Variants in PIWIL3 observed in about 807,000 individuals in gnomAD.
PIWIL3 encodes the protein piwi-like protein 3.
PIWIL3 carries 101 observed loss-of-function variants against 109.7 expected under a neutral mutation model. That is an observed-to-expected ratio of 0.92 (90% CI 0.78 to 1.09). The LOEUF (loss-of-function observed/expected upper bound fraction) is 1.09. PIWIL3 is among the 50% of genes least tolerant of loss of function. The pLI, the probability that PIWIL3 is intolerant of heterozygous loss-of-function variation, is 0.00. For missense variants in PIWIL3, 1,031 were observed against 1,072.6 expected (o/e 0.96, Z 0.54); for synonymous variants, 373 against 376.4 (o/e 0.99, Z 0.10).
chr22:24,740,720 AAAC>A (rs1923957046), intron 12 of PIWIL3, among the ~76,000 whole-genome samples: 1 of 152,098 alleles, frequency 6.6e-6, no homozygotes, highest in Admixed American at 6.5e-5. Flanking sequence ...AACCAGGAAG[AAAC>A]AAACTCTGAA....
At chr22:24,721,023 T>C (rs1241115626) in intron 19 of PIWIL3, among the ~76,000 whole-genome samples, 2 of 152,210 alleles carry the variant, frequency 1.3e-5, no homozygotes, top group Non-Finnish European at 2.9e-5. Flanking sequence ...CTGATCAGCA[T>C]TGCTTCTTGC....
rs748697671 is a variant in PIWIL3, at chr22:24,719,735, A to G, written c.2505+13T>C. ...TAAAAAATCTGAAGAAAAAAGTAAC[A>G]AAAAGTACTTACTGGCAAATTATAA... On this transcript the variant is annotated intron_variant, in intron 20 of 20. Coordinates refer to ENST00000616349, the MANE Select transcript of PIWIL3 (RefSeq NM_001255975.1). 20 of 1,606,110 alleles carry G rather than the reference A, an allele frequency of 1.2e-5. No homozygotes were observed. Among genetic ancestry groups the G allele is most frequent in the Middle Eastern group, 3.3e-4 (2 of 6,068 alleles).
At chr22:24,771,653 T>G (rs964070523) in intron 1 of PIWIL3, among the ~76,000 whole-genome samples, 1 of 152,110 alleles carries the variant, frequency 6.6e-6, no homozygotes, top group African/African-American at 2.4e-5. Flanking sequence ...TAACCAACAT[T>G]TCAAAAGTTG....
rs765676930 is a variant in PIWIL3 at position 24,724,977 on chromosome 22, C to T, written c.2141G>A (p.Arg714Gln). 8.1e-6 allele frequency: 13 copies of T among 1,614,158 alleles called. No homozygotes were observed. Among genetic ancestry groups the T allele is most frequent in the Admixed American group, 5.0e-5 (3 of 60,022 alleles). Residue 714 changes from arginine to glutamine, a missense_variant, in exon 18 of 21, where the codon CGG becomes CAG. Transcript: ENST00000616349. ...SSMPHSVIVY[R>Q]DGVGDGQLQA... ...AAGCTGACCATCTCCCACTCCATCC[C>T]GATACACAATAACAGAATGTGGCAT...
In PIWIL3 at chr22:24,723,095, C is replaced by T. The variant is rs147471660; in HGVS notation, c.2357+35G>A. 1,816 of 1,597,494 alleles carry T rather than the reference C, an allele frequency of 1.1e-3. 14 individuals are homozygous for T. In the African/African-American group the frequency reaches 0.018, roughly 16 times the overall value. On this transcript the variant is annotated intron_variant, in intron 19 of 20. Coordinates refer to ENST00000616349, the MANE Select transcript of PIWIL3 (RefSeq NM_001255975.1). Reference sequence around the variant, plus strand: ...CTGAACTGAAGGAAATTGAGAAAATCATAGAACCATGTGCAAAAAATACAG... The same window carrying T: ...CTGAACTGAAGGAAATTGAGAAAATTATAGAACCATGTGCAAAAAATACAG...
intron 3 of PIWIL3, 148 bp from the exon 4 acceptor site, chr22:24,758,187 C>T (rs1008420509): frequency 2.0e-5 from 20 of 990,158 alleles, no homozygotes; most frequent in East Asian, 2.6e-5. Flanking sequence ...GCCGCAAAAG[C>T]GTAACCTTAC....
Position 24,759,923 on chromosome 22 carries a change from G to T in PIWIL3, c.169C>A (p.Pro57Thr), listed in dbSNP as rs758011874. ...CCTCTTGCTGCTCTTGGCTGCAGAG[G>T]TCTAACCACTGGGACTTCCTCCTGC... Reference protein sequence around the residue: ...PLQEEVPVVRPLQPRAARGGA... With the variant: ...PLQEEVPVVRTLQPRAARGGA... The change falls in exon 3 of 21, where the codon CCT becomes ACT. Residue 57 changes from proline (P) to threonine (T), a missense_variant. Transcript: ENST00000616349. 1.9e-6 allele frequency: 3 copies of T among 1,614,134 alleles called. No homozygotes were observed. Among genetic ancestry groups the T allele is most frequent in the Non-Finnish European group, 1.7e-6 (2 of 1,180,040 alleles).
At chr22:24,773,642 A>C (rs186961458) in intron 1 of PIWIL3, among the ~76,000 whole-genome samples, 1 of 152,146 alleles carries the variant, frequency 6.6e-6, no homozygotes, top group Admixed American at 6.5e-5. Flanking sequence ...ATACATATGT[A>C]TCTAAAATAT....
chr22:24,728,261 T>G lies in PIWIL3; in HGVS notation c.1821A>C (p.Lys607Asn). 6.2e-7 allele frequency: 1 copy of G among 1,614,184 alleles called. No homozygotes were observed. The highest frequency in any genetic ancestry group is 1.1e-5 in the South Asian group (1 of 91,086). ...SQCVVKKTLE[K>N]VQARTIVTKI... The stretch of plus-strand genomic sequence containing the variant: ...TGGTGACGATGGTCCTTGCCTGGAC[T>G]TTTTCTAAGGTCTTTTTCACCACAC... Residue 607 changes from lysine (K) to asparagine (N), a missense_variant, in exon 15 of 21, where the codon AAA (lysine) becomes AAC (asparagine). Physicochemically the swap from Lys to Asn is moderately conservative, Grantham distance 94. Transcript: ENST00000616349.
chr22:24,753,601 C>T (rs550354050), intron 8 of PIWIL3, among the ~76,000 whole-genome samples: 4 of 152,152 alleles, frequency 2.6e-5, no homozygotes, highest in Non-Finnish European at 5.9e-5. Context: ...GGCTAAGTAA[C>T]TGGTTCTTTA....
chr22:24,730,056 A>G (rs1923246147), intron 14 of PIWIL3, among the ~76,000 whole-genome samples: 1 of 151,792 alleles, frequency 6.6e-6, no homozygotes, highest in South Asian at 2.1e-4. Flanking sequence ...AATTAGAATT[A>G]TGTGTACAGA....
chr22:24,729,800 A>G (rs1923225027), intron 14 of PIWIL3, among the ~76,000 whole-genome samples: 3 of 152,210 alleles, frequency 2.0e-5, no homozygotes, highest in Admixed American at 6.5e-5. Context: ...AGTTCAGACT[A>G]AACAGTTAAT....
intron 12 of PIWIL3, among the ~76,000 whole-genome samples, chr22:24,739,445 G>A (rs950179817): frequency 6.6e-6 from 1 of 152,056 alleles, no homozygotes; most frequent in Non-Finnish European, 1.5e-5. Flanking sequence ...CCTAATAGCA[G>A]CAAGAGAAAA....
intron 8 of PIWIL3, among the ~76,000 whole-genome samples, chr22:24,753,091 A>T (rs1924807082): frequency 6.6e-6 from 1 of 152,128 alleles, no homozygotes; most frequent in African/African-American, 2.4e-5. Flanking sequence ...CATTTTCCCC[A>T]GTTTTTCCAG....
intron 16 of PIWIL3, among the ~76,000 whole-genome samples, chr22:24,726,476 G>A (rs1923003894): frequency 1.3e-5 from 2 of 152,010 alleles, no homozygotes; most frequent in African/African-American, 4.8e-5. Flanking sequence ...TAGTAGAGAC[G>A]GGGTTTCACC....
chr22:24,721,226 G>T (rs1355075056), intron 19 of PIWIL3, among the ~76,000 whole-genome samples: 1 of 152,122 alleles, frequency 6.6e-6, no homozygotes, highest in Non-Finnish European at 1.5e-5. Flanking sequence ...TTATTTTTAA[G>T]CATTTTAAAG....
At chr22:24,774,023 A>G (rs913217728) in intron 1 of PIWIL3, among the ~76,000 whole-genome samples, 8 of 152,126 alleles carry the variant, frequency 5.3e-5, no homozygotes, top group African/African-American at 1.9e-4. Context: ...AAGATGCTCT[A>G]GATTTTTAAA....
At chr22:24,761,458 G>C (rs1925435537) in intron 2 of PIWIL3, among the ~76,000 whole-genome samples, 1 of 152,190 alleles carries the variant, frequency 6.6e-6, no homozygotes. Context: ...TGTGAATCTG[G>C]CAGAGTGGAA....
At chr22:24,740,778 C>T (rs1346130045) in intron 12 of PIWIL3, among the ~76,000 whole-genome samples, 1 of 151,880 alleles carries the variant, frequency 6.6e-6, no homozygotes, top group Non-Finnish European at 1.5e-5. Flanking sequence ...ATATAAGATG[C>T]CACCAAAAAA....
Sources: gnomAD v4.1 joint callset for allele counts (sites outside exome capture counted in the v4.1 genomes callset) on GRCh38, gnomAD v4.1.1 for gene constraint, MANE v1.5 for transcripts, NCBI Gene and HGNC (gene_info 2026-07-23, HGNC 2026-07-21) for gene names.